The following PCDHGA11 variants were observed in gnomAD, a reference collection of about 807,000 sequenced individuals.
PCDHGA11 encodes protocadherin gamma-A11.
A neutral mutation model predicts 60.4 loss-of-function variants in PCDHGA11; 39 were observed. The ratio of observed to expected loss-of-function variants is 0.65; its 90% CI spans 0.50 to 0.84. The LOEUF is 0.84. Among genes scored for constraint, PCDHGA11 ranks in the 40% least tolerant of loss-of-function variants. The pLI is 0.00. For synonymous variants in PCDHGA11, 533 were observed against 510.3 expected (o/e 1.04, Z -0.60); for missense variants, 1,165 against 1,197.7 (o/e 0.97, Z 0.40).
intron 1 of PCDHGA11, among the ~76,000 whole-genome samples, chr5:141,434,888 C>T (rs1287540129): frequency 6.6e-6 from 1 of 150,944 alleles, no homozygotes; most frequent in Non-Finnish European, 1.5e-5. Flanking sequence ...AACAACAATC[C>T]AGTCCCCTTC....
At chr5:141,443,615 C>T (rs1430581477) in intron 1 of PCDHGA11, among the ~76,000 whole-genome samples, 3 of 152,198 alleles carry the variant, frequency 2.0e-5, no homozygotes, top group Non-Finnish European at 4.4e-5. Flanking sequence ...TTCTTATAAT[C>T]AGGTGATTGT....
rs2154586601 is a variant in PCDHGA11, at chr5:141,491,555, A to G, written c.2434-3252A>G. The G allele has an allele frequency of 6.2e-7, 1 of 1,613,986 alleles. No homozygotes were observed. The highest frequency in any genetic ancestry group is 2.2e-5 in the East Asian group (1 of 44,862). ...CTGCGGCCCACAGACTCGCAGAGCC[A>G]CTGCTACAGGACGTGCTTTTCACCG... On this transcript the variant is annotated intron_variant, in intron 1 of 3. Transcript: ENST00000398587. This position sits in a 1 kb window ranked among gnomAD's most constrained non-coding sequence, Gnocchi z 6.9.
chr5:141,465,505 G>C (rs905617997), intron 1 of PCDHGA11, among the ~76,000 whole-genome samples: 1 of 152,190 alleles, frequency 6.6e-6, no homozygotes, highest in Non-Finnish European at 1.5e-5. Context: ...CATTGTCGTG[G>C]TCAGGAAGGA....
intron 1 of PCDHGA11, among the ~76,000 whole-genome samples, chr5:141,488,675 T>C (rs888235928): frequency 2.6e-5 from 4 of 152,116 alleles, no homozygotes; most frequent in Admixed American, 1.3e-4. Flanking sequence ...TACATGGGCT[T>C]TGCCTCTCCC....
rs111263562 is a variant in PCDHGA11, at chr5:141,487,812, T to C, written c.2434-6995T>C. The C allele has an allele frequency of 1.1e-4, 148 of 1,408,204 alleles. 1 individual carries two copies. Among genetic ancestry groups the C allele is most frequent in the South Asian group, 1.6e-4 (12 of 73,988 alleles). The allele number at this position is 1,408,204 out of a possible 1,614,324, so 87.2% of individuals were successfully genotyped here. On this transcript the variant is annotated intron_variant, in intron 1 of 3. Coordinates refer to ENST00000398587, the MANE Select transcript of PCDHGA11 (RefSeq NM_018914.3). The surrounding 1 kb of genome is among the most constrained non-coding windows in gnomAD (Gnocchi z 5.0). ...TAACCAGAGTTGTCACAGTTTAGCA[T>C]TGGGGGCGGGTCATGCCTATATCTG...
chr5:141,500,114 G>A (rs72790070), intron 2 of PCDHGA11, among the ~76,000 whole-genome samples: 10,550 of 151,670 alleles, frequency 0.07, 640 homozygotes, highest in African/African-American at 0.16. Flanking sequence ...TTGAATCCCT[G>A]CCTTTTCATA....
rs1223431294 is a variant in PCDHGA11, at chr5:141,490,280, C to T, written c.2434-4527C>T. ...GATGTGGGGGATGTCAATGACAATG[C>T]CCCAGAGGTGCTATTGGCCTCTTTG... On this transcript the variant is annotated intron_variant, in intron 1 of 3. Transcript: ENST00000398587. The surrounding 1 kb of genome is among the most constrained non-coding windows in gnomAD (Gnocchi z 5.4). The T allele has an allele frequency of 5.6e-6, 9 of 1,614,216 alleles. No individual in the cohort carries two copies. In the East Asian group the frequency reaches 1.8e-4, roughly 32 times the overall value.
At position 141,454,796 on chromosome 5, in the gene PCDHGA11, ATTT is replaced by A. The variant is rs61612330; in HGVS notation, c.2433+31163_2433+31165del. On this transcript the variant is annotated intron_variant, in intron 1 of 3. Coordinates refer to ENST00000398587, the MANE Select transcript of PCDHGA11 (RefSeq NM_018914.3). ...AAGGAAATAATCCTCCATGGTTCTA[ATTT>A]TTTTTTTTTTTTTTTTTTTTTTTTT... is the stretch of plus-strand genomic sequence containing the variant. 8.4e-3 allele frequency among the ~76,000 whole-genome samples: 651 copies of A among 77,268 alleles called. 2 individuals are homozygous for A. Among genetic ancestry groups the A allele is most frequent in the African/African-American group, 0.012 (206 of 16,834 alleles). The allele number at this position is 77,268 out of a possible 152,430, so 50.7% of individuals were successfully genotyped here. A position where few individuals can be genotyped will look rare whatever the true frequency, so the allele number is the denominator to read the frequency against.
chr5:141,442,472 C>T (rs1032989256), intron 1 of PCDHGA11: 1 of 152,204 alleles, frequency 6.6e-6, no homozygotes, highest in Non-Finnish European at 1.5e-5. Context: ...GCAGAAAGCC[C>T]CTTGGGGAAG....
In PCDHGA11 at chr5:141,460,999, G is replaced by GTA. The variant is rs1350972422; in HGVS notation, c.2434-33797_2434-33796dup. Reference sequence around the variant, plus strand: ...TGTGTGTGTGTATATATATATATGTGTATATATATATACCACATTTTCTTT... The same window carrying GTA: ...TGTGTGTGTGTATATATATATATGTGTATATATATATATACCACATTTTCTTT... On this transcript the variant is annotated intron_variant, in intron 1 of 3. Coordinates refer to ENST00000398587, the MANE Select transcript of PCDHGA11 (RefSeq NM_018914.3). Among the ~76,000 whole-genome samples, 54 of 149,566 alleles carry GTA rather than the reference G, an allele frequency of 3.6e-4. No homozygotes were observed. The South Asian group carries it at 4.2e-3, about 12-fold the overall frequency.
intron 1 of PCDHGA11, among the ~76,000 whole-genome samples, chr5:141,481,148 C>G (rs2099532606): frequency 6.6e-6 from 1 of 152,176 alleles, no homozygotes; most frequent in Non-Finnish European, 1.5e-5. Context: ...AAGTGTTATT[C>G]TGGTATTTGC....
In PCDHGA11 at chr5:141,489,664, A is replaced by C. The variant is rs745597010; in HGVS notation, c.2434-5143A>C. 1.9e-6 allele frequency: 3 copies of C among 1,614,224 alleles called. No individual in the cohort carries two copies. Among genetic ancestry groups the C allele is most frequent in the African/African-American group, 1.3e-5 (1 of 75,058 alleles). On this transcript the variant is annotated intron_variant, in intron 1 of 3. Transcript: ENST00000398587. This position sits in a 1 kb window ranked among gnomAD's most constrained non-coding sequence, Gnocchi z 4.5. ...TGCCACCCCTGAGCGAGAGATGCGC[A>C]TCTCAGAATCAGCAGCATCTGGGGC... is the stretch of plus-strand genomic sequence containing the variant.
chr5:141,427,646 C>A, intron 1 of PCDHGA11: 1 of 715,440 alleles, frequency 1.4e-6, no homozygotes, highest in East Asian at 2.7e-5. Context: ...ACCAAGTCTC[C>A]TACGTGGTCC....
intron 1 of PCDHGA11, among the ~76,000 whole-genome samples, chr5:141,463,518 G>T (rs537466389): frequency 7.2e-6 from 1 of 139,068 alleles, no homozygotes; most frequent in African/African-American, 2.8e-5. Context: ...GCGTGATCTC[G>T]GCTTACTAGA....
At chr5:141,483,100 G>A (rs1051736065) in intron 1 of PCDHGA11, among the ~76,000 whole-genome samples, 11 of 152,078 alleles carry the variant, frequency 7.2e-5, no homozygotes, top group South Asian at 2.1e-4. Flanking sequence ...AAAAGTGTGC[G>A]TGTAAAACAG....
At chr5:141,465,323 G>A (rs757662972) in intron 1 of PCDHGA11, among the ~76,000 whole-genome samples, 1 of 152,138 alleles carries the variant, frequency 6.6e-6, no homozygotes, top group Non-Finnish European at 1.5e-5. Flanking sequence ...TGTCAATGCA[G>A]TATTTTTTAT....
rs748457785 is a variant in PCDHGA11 at position 141,489,197 on chromosome 5, A to G, written c.2434-5610A>G. On this transcript the variant is annotated intron_variant, in intron 1 of 3. Coordinates refer to ENST00000398587, the MANE Select transcript of PCDHGA11 (RefSeq NM_018914.3). This position sits in a 1 kb window ranked among gnomAD's most constrained non-coding sequence, Gnocchi z 4.5. ...TCCAAGCCCTGGGTCTACCTTGGAG[A>G]CAGGACAGCACAGACTTACTCTCCA... 7 of 1,391,050 alleles carry G rather than the reference A, an allele frequency of 5.0e-6. No individual in the cohort carries two copies. Among genetic ancestry groups the G allele is most frequent in the African/African-American group, 2.9e-5 (2 of 69,150 alleles). 86.2% of individuals were successfully genotyped at this position (1,391,050 alleles called of 1,614,324 possible).
rs1047637676 is a variant in PCDHGA11, at chr5:141,449,606, A to G, written c.2433+25946A>G. The stretch of plus-strand genomic sequence containing the variant: ...TCTGTCTCAAAAAAAAAAAAAAAAA[A>G]AGTAAAAAAGTTTTTTAAAAAGATG... On this transcript the variant is annotated intron_variant, in intron 1 of 3. Transcript: ENST00000398587. 3.9e-3 allele frequency among the ~76,000 whole-genome samples: 591 copies of G among 150,802 alleles called. 2 individuals carry two copies. The highest frequency in any genetic ancestry group is 0.01 in the Middle Eastern group (3 of 290).
chr5:141,424,393 A>G (rs1241872928), intron 1 of PCDHGA11: 1 of 152,120 alleles, frequency 6.6e-6, no homozygotes, highest in Non-Finnish European at 1.5e-5. Flanking sequence ...TGTCTTTTCC[A>G]TTACTATGGT....
Sources: gnomAD v4.1 joint callset for allele counts (sites outside exome capture counted in the v4.1 genomes callset) on GRCh38, gnomAD v4.1.1 for gene constraint, Gnocchi (gnomAD v3.1) non-coding constraint, MANE v1.5 for transcripts, NCBI Gene and HGNC (gene_info 2026-07-23, HGNC 2026-07-21) for gene names.